The following UMAD1 variants were observed in gnomAD, a reference collection of about 807,000 sequenced individuals.
UMAD1 encodes the protein UBAP1-MVB12-associated (UMA) domain containing 1, also known as UBAP1-MVB12-associated (UMA)-domain containing protein 1.
In UMAD1, 8 loss-of-function variants were observed where a neutral mutation model predicts 6.1. The ratio of observed to expected loss-of-function variants is 1.30; its 90% CI spans 0.76 to 2.35. The LOEUF is 2.35. Among genes scored for constraint, UMAD1 ranks in the 30% most tolerant of loss-of-function variants. The pLI is 0.00. For synonymous variants in UMAD1, 56 were observed against 31.4 expected, an observed-to-expected ratio of 1.78 and a Z score of -2.61; for missense variants, 130 against 78.4, an observed-to-expected ratio of 1.66 and a Z score of -2.49.
At position 7,688,792 on chromosome 7, in the gene UMAD1, T is replaced by C. The variant is rs954194895; in HGVS notation, c.82+15339T>C. Among the ~76,000 whole-genome samples, 3 of 152,202 alleles carry C rather than the reference T, an allele frequency of 2.0e-5. No homozygotes were observed. In the East Asian group the frequency reaches 5.8e-4, roughly 29 times the overall value. ...CGTATTTTATAAAATTGTAAGCACA[T>C]GACTATCAAAAAGCTGATCCTCAGT... On this transcript the variant is annotated intron_variant, in intron 2 of 3. Transcript: ENST00000682710.
At chr7:7,831,803 G>A (rs986282660) in intron 3 of UMAD1, among the ~76,000 whole-genome samples, 3 of 152,166 alleles carry the variant, frequency 2.0e-5, no homozygotes, top group African/African-American at 7.2e-5. Flanking sequence ...TAATTTATAA[G>A]CATGTGGTAT....
intron 3 of UMAD1, among the ~76,000 whole-genome samples, chr7:7,853,233 C>T (rs7785295): frequency 0.67 from 101,130 of 151,490 alleles, 34,594 homozygotes; most frequent in Middle Eastern, 0.75. Context: ...CTAATATTGC[C>T]TAAAATTTTG....
chr7:7,854,355 C>CAAAA (rs34829393), intron 3 of UMAD1, among the ~76,000 whole-genome samples: 91 of 48,956 alleles, frequency 1.9e-3, no homozygotes, highest in African/African-American at 2.0e-3. Context: ...AGCTCCATCT[C>CAAAA]AAAAAAAAAA....
At chr7:7,677,894 C>T (rs544831076) in intron 2 of UMAD1, among the ~76,000 whole-genome samples, 8 of 151,492 alleles carry the variant, frequency 5.3e-5, no homozygotes, top group East Asian at 3.9e-4. Flanking sequence ...GGGATGGTCT[C>T]GATCTCCTGA....
intron 3 of UMAD1, among the ~76,000 whole-genome samples, chr7:7,833,751 A>G (rs576023223): frequency 6.6e-6 from 1 of 152,310 alleles, no homozygotes; most frequent in East Asian, 1.9e-4. Context: ...TAAATATACA[A>G]AACCATAGTT....
intron 2 of UMAD1, among the ~76,000 whole-genome samples, chr7:7,770,098 C>T (rs1186032528): frequency 6.6e-6 from 1 of 152,168 alleles, no homozygotes; most frequent in African/African-American, 2.4e-5. Flanking sequence ...CCGCTGTTCT[C>T]AGGCAGTCAG....
intron 2 of UMAD1, among the ~76,000 whole-genome samples, chr7:7,709,054 A>G (rs948794311): frequency 1.3e-5 from 2 of 152,088 alleles, no homozygotes; most frequent in African/African-American, 2.4e-5. Context: ...AAAAATACCA[A>G]TTAACTACTT....
chr7:7,714,277 G>A (rs771259567), intron 2 of UMAD1, among the ~76,000 whole-genome samples: 1 of 152,170 alleles, frequency 6.6e-6, no homozygotes, highest in Non-Finnish European at 1.5e-5. Flanking sequence ...TAAATCCTTG[G>A]ATGTTGACAG....
intron 2 of UMAD1, among the ~76,000 whole-genome samples, chr7:7,796,072 A>G (rs963686491): frequency 1.3e-5 from 2 of 151,984 alleles, no homozygotes; most frequent in Non-Finnish European, 2.9e-5. Flanking sequence ...TGCAACAACC[A>G]GTGGACAGGA....
At chr7:7,822,488 C>G (rs1404270455) in intron 3 of UMAD1, among the ~76,000 whole-genome samples, 1 of 151,952 alleles carries the variant, frequency 6.6e-6, no homozygotes, top group Non-Finnish European at 1.5e-5. Context: ...TGAGAGAGCG[C>G]TTTTTAAATT....
intron 2 of UMAD1, among the ~76,000 whole-genome samples, chr7:7,781,875 A>T (rs1782352775): frequency 2.8e-5 from 1 of 35,620 alleles, no homozygotes; most frequent in African/African-American, 1.4e-4. Context: ...CCTTGAAAAA[A>T]TTAAAAAATA....
intron 2 of UMAD1, among the ~76,000 whole-genome samples, chr7:7,786,311 A>G (rs76998453): frequency 2.2e-4 from 33 of 152,354 alleles, no homozygotes; most frequent in African/African-American, 7.7e-4. Flanking sequence ...TTTGTAAAAT[A>G]TCCCTCAATT....
At chr7:7,812,272 A>G (rs1414538691) in intron 3 of UMAD1, among the ~76,000 whole-genome samples, 1 of 152,158 alleles carries the variant, frequency 6.6e-6, no homozygotes, top group Non-Finnish European at 1.5e-5. Context: ...CAGTAATGTG[A>G]GTTTTATGCA....
At chr7:7,714,201 A>C (rs1385159291) in intron 2 of UMAD1, among the ~76,000 whole-genome samples, 1 of 152,262 alleles carries the variant, frequency 6.6e-6, no homozygotes, top group East Asian at 1.9e-4. Flanking sequence ...AAAGAAAAGC[A>C]TATCAGTCTT....
chr7:7,807,919 C>A (rs991806160), intron 3 of UMAD1, among the ~76,000 whole-genome samples: 1 of 151,974 alleles, frequency 6.6e-6, no homozygotes, highest in African/African-American at 2.4e-5. Flanking sequence ...TATGTATCAT[C>A]CTAAGATATT....
At chr7:7,688,735 T>C (rs1277507602) in intron 2 of UMAD1, among the ~76,000 whole-genome samples, 1 of 152,234 alleles carries the variant, frequency 6.6e-6, no homozygotes, top group Admixed American at 6.5e-5. Context: ...GCCAATTATG[T>C]TGTAACCTCC....
At chr7:7,861,435 TA>T (rs1784113786) in intron 3 of UMAD1, among the ~76,000 whole-genome samples, 1 of 152,208 alleles carries the variant, frequency 6.6e-6, no homozygotes, top group Admixed American at 6.5e-5. Context: ...TTTTGAAATA[TA>T]ACCTTTTGCA....
intron 2 of UMAD1, among the ~76,000 whole-genome samples, chr7:7,781,283 A>G (rs1782338351): frequency 6.6e-6 from 1 of 152,144 alleles, no homozygotes; most frequent in African/African-American, 2.4e-5. Flanking sequence ...AATTTATACT[A>G]AAAACAATTT....
chr7:7,664,862 A>G (rs576238608), intron 1 of UMAD1, among the ~76,000 whole-genome samples: 12 of 152,350 alleles, frequency 7.9e-5, no homozygotes, highest in African/African-American at 2.9e-4. Flanking sequence ...CTTGTTGTCT[A>G]AATTTTTATA....
Sources: gnomAD v4.1 joint callset for allele counts (sites outside exome capture counted in the v4.1 genomes callset) on GRCh38, gnomAD v4.1.1 for gene constraint, MANE v1.5 for transcripts, NCBI Gene and HGNC (gene_info 2026-07-23, HGNC 2026-07-21) for gene names.